KIAA1217: variants seen among roughly 807,000 people sequenced by gnomAD.
The protein encoded by KIAA1217 is sickle tail protein homolog.
In KIAA1217, 88 loss-of-function variants were observed where a neutral mutation model predicts 163.9. That is an observed-to-expected ratio of 0.54 (90% CI 0.45 to 0.64). KIAA1217 has a LOEUF of 0.64. Among genes scored for constraint, KIAA1217 ranks in the 30% least tolerant of loss-of-function variants. The pLI, the probability that KIAA1217 is intolerant of heterozygous loss-of-function variation, is 0.00. For missense variants in KIAA1217, 2,372 were observed against 2,475.0 expected, an observed-to-expected ratio of 0.96 and a Z score of 0.88; for synonymous variants, 903 against 923.1, an observed-to-expected ratio of 0.98 and a Z score of 0.39.
intron 2 of KIAA1217, among the ~76,000 whole-genome samples, chr10:24,299,665 A>C (rs1389368043): frequency 6.6e-6 from 1 of 152,164 alleles, no homozygotes; most frequent in African/African-American, 2.4e-5. Flanking sequence ...CTCCCAAAGT[A>C]CTGGGATTAC....
rs2069321954 is a variant in KIAA1217, at chr10:24,219,702, T to C, written c.147T>C (p.Asn49=). 1.9e-6 allele frequency: 3 copies of C among 1,613,838 alleles called. No individual in the cohort carries two copies. Among genetic ancestry groups the C allele is most frequent in the Non-Finnish European group, 2.5e-6 (3 of 1,179,900 alleles). The change falls in exon 2 of 21, where the codon AAT becomes AAC. Residue 49 remains asparagine, a synonymous_variant. Transcript: ENST00000376454. ...ECRRTKERLS[N]GNSRGSVSKS... is the part of the protein sequence containing the mutation. ...GCAGAACCAAGGAACGCCTTTCTAA[T>C]GGAAACAGTCGTGGTTCAGTTTCCA... is the stretch of plus-strand genomic sequence containing the variant.
chr10:24,546,759 T>C lies in KIAA1217; in HGVS notation c.*435T>C, dbSNP rs2075737476. The C allele has an allele frequency of 6.5e-6, 1 of 155,002 alleles. No homozygotes were observed. Among genetic ancestry groups the C allele is most frequent in the Non-Finnish European group, 1.4e-5 (1 of 69,690 alleles). 9.6% of individuals were successfully genotyped at this position (155,002 alleles called of 1,614,324 possible). On this transcript the variant is annotated 3_prime_UTR_variant, in exon 21 of 21. Coordinates refer to ENST00000376454, the MANE Select transcript of KIAA1217 (RefSeq NM_019590.5). ...ACAAATTGTAAAACAGATACTATAA[T>C]ATTTCCTTTTATTTTAGTGTTATTT...
intron 6 of KIAA1217, among the ~76,000 whole-genome samples, chr10:24,484,158 T>A (rs2065043367): frequency 1.4e-5 from 2 of 145,940 alleles, no homozygotes; most frequent in East Asian, 3.9e-4. Context: ...TATATGTATA[T>A]GTGTGTGTAT....
At chr10:24,226,528 G>C (rs1368800178) in intron 2 of KIAA1217, among the ~76,000 whole-genome samples, 2 of 151,946 alleles carry the variant, frequency 1.3e-5, no homozygotes, top group Non-Finnish European at 2.9e-5. Flanking sequence ...TGTAGTCCCA[G>C]CTACTCTGGA....
chr10:23,889,208 T>C (rs1307446298), intron 1 of KIAA1217, among the ~76,000 whole-genome samples: 3 of 151,898 alleles, frequency 2.0e-5, no homozygotes, highest in Non-Finnish European at 4.4e-5. Context: ...ATAGCGTGTA[T>C]AACTTTACCA....
chr10:24,069,094 G>T (rs2061083534), intron 2 of KIAA1217, among the ~76,000 whole-genome samples: 2 of 152,184 alleles, frequency 1.3e-5, no homozygotes, highest in Non-Finnish European at 2.9e-5. Context: ...CACCTGCTCT[G>T]CATTGAGCCA....
At chr10:24,475,714 C>T (rs1169718937) in intron 6 of KIAA1217, among the ~76,000 whole-genome samples, 1 of 152,136 alleles carries the variant, frequency 6.6e-6, no homozygotes, top group African/African-American at 2.4e-5. Flanking sequence ...TCACTGCAGA[C>T]AGCTAAGGGG....
At chr10:24,183,970 C>A (rs1187617124) in intron 2 of KIAA1217, among the ~76,000 whole-genome samples, 1 of 152,220 alleles carries the variant, frequency 6.6e-6, no homozygotes, top group Non-Finnish European at 1.5e-5. Context: ...TCTTCACCAT[C>A]TTTACAAAAA....
At chr10:24,249,635 A>C (rs889743751) in intron 2 of KIAA1217, among the ~76,000 whole-genome samples, 2 of 152,188 alleles carry the variant, frequency 1.3e-5, no homozygotes, top group Non-Finnish European at 2.9e-5. Context: ...AATATTCCCC[A>C]TATACACTTA....
intron 5 of KIAA1217, among the ~76,000 whole-genome samples, chr10:24,466,371 G>A (rs773485979): frequency 1.3e-5 from 2 of 152,054 alleles, no homozygotes; most frequent in African/African-American, 2.4e-5. Context: ...TACCTAGGCC[G>A]TTTAAAGTTC....
intron 2 of KIAA1217, among the ~76,000 whole-genome samples, chr10:24,034,770 G>C (rs1848324457): frequency 6.6e-6 from 1 of 152,142 alleles, no homozygotes; most frequent in Admixed American, 6.5e-5. Flanking sequence ...CTTTGCAGAG[G>C]CTTGCTGGCT....
chr10:24,230,502 G>GT (rs71397936), intron 2 of KIAA1217, among the ~76,000 whole-genome samples: 52,114 of 90,726 alleles, frequency 0.57, 16,003 homozygotes, highest in Non-Finnish European at 0.6. Context: ...TATTTGTTTT[G>GT]TTTTTTTTTT....
rs1465627010 is a variant in KIAA1217 at position 24,089,431 on chromosome 10, C to A, written c.-171+82057C>A. 1.6e-5 allele frequency among the ~76,000 whole-genome samples: 2 copies of A among 124,906 alleles called. 1 individual carries two copies. The highest frequency in any genetic ancestry group is 5.0e-5 in the African/African-American group (2 of 39,850). The allele number at this position is 124,906 out of a possible 152,430, so 81.9% of individuals were successfully genotyped here. A position where few individuals can be genotyped will look rare whatever the true frequency, so the allele number is the denominator to read the frequency against. On this transcript the variant is annotated intron_variant, in intron 2 of 18. Coordinates refer to the KIAA1217 transcript ENST00000376462. ...TTCTAAGGTTTTTATGGTTTTAGGT[C>A]TAACATTTAAGTCTTTAATCCATCT...
At chr10:24,205,962 G>A (rs759576490), upstream of KIAA1217, among the ~76,000 whole-genome samples, 10 of 152,112 alleles carry the variant, frequency 6.6e-5, no homozygotes, top group Admixed American at 2.6e-4. Flanking sequence ...GTTCTGTAAC[G>A]GGTTAGCTAT....
rs766979096 is a variant in KIAA1217 at position 23,993,619 on chromosome 10, G to T, written c.-320-13606G>T. On this transcript the variant is annotated intron_variant, in intron 1 of 18. Transcript: ENST00000376462. ...TGCCTAGACTGGAGTGCAGTGGCATGATCTCAGCTCACTGCAACCTTCGCC... is the reference window on the plus strand; with the variant it reads ...TGCCTAGACTGGAGTGCAGTGGCATTATCTCAGCTCACTGCAACCTTCGCC... 3.7e-4 allele frequency among the ~76,000 whole-genome samples: 50 copies of T among 136,278 alleles called. 1 individual carries two copies. The highest frequency in any genetic ancestry group is 5.0e-4 in the Non-Finnish European group (33 of 65,842). 89.4% of individuals were successfully genotyped at this position (136,278 alleles called of 152,430 possible). A position where few individuals can be genotyped will look rare whatever the true frequency, so the allele number is the denominator to read the frequency against.
intron 1 of KIAA1217, among the ~76,000 whole-genome samples, chr10:23,835,837 T>A (rs75388116): frequency 0.037 from 5,591 of 152,222 alleles, 346 homozygotes; most frequent in African/African-American, 0.13. Context: ...CTCCTTCCTT[T>A]ATGAGTATTT....
At chr10:24,528,331 T>TTG (rs1164402674) in intron 14 of KIAA1217, among the ~76,000 whole-genome samples, 1 of 151,152 alleles carries the variant, frequency 6.6e-6, no homozygotes. Flanking sequence ...TGTTTTTTTT[T>TTG]TTGTTTTTGA....
At chr10:23,755,827 A>G (rs948135436) in intron 1 of KIAA1217, among the ~76,000 whole-genome samples, 8 of 152,136 alleles carry the variant, frequency 5.3e-5, no homozygotes, top group Admixed American at 2.0e-4. Flanking sequence ...AGGATTGTGA[A>G]CCAGTACTTT....
chr10:24,058,657 G>A (rs1051458483), intron 2 of KIAA1217, among the ~76,000 whole-genome samples: 2 of 151,970 alleles, frequency 1.3e-5, no homozygotes, highest in South Asian at 4.2e-4. Context: ...TATTGTAAAT[G>A]GGATAAATTT....
Sources: allele counts gnomAD v4.1 joint callset (sites outside exome capture counted in the v4.1 genomes callset), GRCh38; gene constraint gnomAD v4.1.1; transcripts MANE v1.5; gene names NCBI Gene and HGNC (gene_info 2026-07-23, HGNC 2026-07-21).